GCAT: variants seen among roughly 807,000 people sequenced by gnomAD.
GCAT encodes 2-amino-3-ketobutyrate coenzyme A ligase, mitochondrial.
GCAT carries 26 observed loss-of-function variants against 39.7 expected under a neutral mutation model. The observed-to-expected ratio is 0.65, with a 90% CI of 0.48 to 0.91. GCAT has a LOEUF of 0.91. Ranked by LOEUF, GCAT falls within the 40% of genes least tolerant of loss-of-function variation. The pLI is 0.00. For synonymous variants in GCAT, 218 were observed against 237.2 expected (o/e 0.92, Z 0.74); for missense variants, 550 against 576.2 (o/e 0.95, Z 0.47).
rs1267111234 is a variant in GCAT, at chr22:37,813,048, T to C, written c.429+60T>C. ...GGGGCCTGTTAGGCTGAGGAAGGCT[T>C]GGGTGTGGGCAGTCGGGAGAACCTA... On this transcript the variant is annotated intron_variant, in intron 3 of 8. Coordinates refer to ENST00000248924, the MANE Select transcript of GCAT (RefSeq NM_014291.4). The C allele has an allele frequency of 2.9e-5, 35 of 1,188,546 alleles. 2 individuals are homozygous for C. The South Asian group carries it at 3.5e-4, about 12-fold the overall frequency. 73.6% of individuals were successfully genotyped at this position (1,188,546 alleles called of 1,614,324 possible).
chr22:37,809,426 G>A lies in GCAT; in HGVS notation c.197-601G>A, dbSNP rs145378421. Among the ~76,000 whole-genome samples the A allele has an allele frequency of 1.9e-3, 284 of 152,288 alleles. 1 individual carries two copies. The highest frequency in any genetic ancestry group is 3.3e-3 in the Non-Finnish European group (223 of 68,022). ...TCCAGCCCTCTTCTTTAACCCTCAA[G>A]GAAACCAAGGGGTCAGATAAGGAGT... On this transcript the variant is annotated intron_variant, in intron 1 of 8. Transcript: ENST00000248924.
downstream of GCAT, chr22:37,817,048 G>A: frequency 4.1e-6 from 1 of 243,956 alleles, no homozygotes; most frequent in Admixed American, 4.6e-5. Flanking sequence ...CCAGTGGCCG[G>A]GCACGGTGGC....
intron 4 of GCAT, among the ~76,000 whole-genome samples, chr22:37,814,717 C>T (rs976432018): frequency 2.0e-5 from 3 of 152,232 alleles, no homozygotes; most frequent in South Asian, 2.1e-4. Flanking sequence ...AGGTGGGTCT[C>T]GAACCCGTAA....
chr22:37,809,913 C>G, intron 1 of GCAT, 114 bp from the exon 2 acceptor site: 1 of 1,394,026 alleles, frequency 7.2e-7, no homozygotes, highest in Non-Finnish European at 1.0e-6. Flanking sequence ...TCAATGGTGA[C>G]TCCAGGTCTG....
chr22:37,812,643 A>C (rs1921726537), intron 2 of GCAT, among the ~76,000 whole-genome samples: 1 of 152,204 alleles, frequency 6.6e-6, no homozygotes. Flanking sequence ...TTCCACCATT[A>C]GACTGCCACT....
chr22:37,812,234 G>C (rs1233062983), intron 2 of GCAT, among the ~76,000 whole-genome samples: 1 of 151,978 alleles, frequency 6.6e-6, no homozygotes, highest in Non-Finnish European at 1.5e-5. Flanking sequence ...CTACTAGGGA[G>C]GGGAGGCTGA....
chr22:37,810,795 G>A (rs941735637), intron 2 of GCAT, among the ~76,000 whole-genome samples: 4 of 152,038 alleles, frequency 2.6e-5, no homozygotes, highest in African/African-American at 7.2e-5. Flanking sequence ...GATTACAGGC[G>A]TGAGCCACCG....
At chr22:37,814,192 C>G (rs2145928046) in intron 4 of GCAT, among the ~76,000 whole-genome samples, 1 of 152,318 alleles carries the variant, frequency 6.6e-6, no homozygotes. Context: ...CCTCAATCTT[C>G]TGGACTCGAG....
chr22:37,816,180 G>A lies in GCAT; in HGVS notation c.987-20G>A, dbSNP rs1922170470. 6.2e-7 allele frequency: 1 copy of A among 1,611,438 alleles called. No homozygotes were observed. The highest frequency in any genetic ancestry group is 1.7e-5 in the Admixed American group (1 of 59,862). ...ATGCTCCACGGCCCCTTAGCTACCT[G>A]TGACACCTTGTGCCCACAGGTTCCG... On this transcript the variant is annotated intron_variant, in intron 7 of 8. Coordinates refer to ENST00000248924, the MANE Select transcript of GCAT (RefSeq NM_014291.4).
At chr22:37,815,980 C>CCTCTAG (rs1255891505) in intron 7 of GCAT, 146 bp downstream of exon 7, 2 of 997,030 alleles carry the variant, frequency 2.0e-6, no homozygotes, top group African/African-American at 3.2e-5. Context: ...CTGCCTCTCC[C>CCTCTAG]CTCTAGCTTC....
Position 37,815,682 on chromosome 22 carries a change from T to C in GCAT, c.834T>C (p.Pro278=). 1 of 1,612,018 alleles carries C rather than the reference T, an allele frequency of 6.2e-7. No homozygotes were observed. The highest frequency in any genetic ancestry group is 1.3e-5 in the African/African-American group (1 of 74,966). ...GGASGGYTTG[P]GPLVSLLRQR... ...TCTCAGGGGGCTACACGACAGGGCC[T>C]GGGCCCCTGGTGTCCCTGCTGCGGC... The change falls in exon 7 of 9, where the codon CCT becomes CCC. Residue 278 remains proline, a synonymous_variant. Coordinates refer to ENST00000248924, the MANE Select transcript of GCAT (RefSeq NM_014291.4).
chr22:37,816,972 C>T (rs1922270818), downstream of GCAT: 5 of 469,480 alleles, frequency 1.1e-5, no homozygotes, highest in Non-Finnish European at 1.9e-5. Context: ...GGAGCCAGGG[C>T]TCTGAGGGGA....
Position 37,816,623 on chromosome 22 carries a change from C to T in GCAT, c.1165C>T (p.Arg389Trp), listed in dbSNP as rs372620795. Residue 389 changes from arginine (R) to tryptophan (W), a missense_variant, in exon 9 of 9, where the codon CGG becomes TGG. Transcript: ENST00000248924. ...PVVPKGKARI[R>W]VQISAVHSEE... The stretch of plus-strand genomic sequence containing the variant: ...GGTCCCCAAGGGCAAGGCCCGGATC[C>T]GGGTACAGATCTCAGCAGTGCATAG... 2.8e-5 allele frequency: 45 copies of T among 1,614,046 alleles called. No homozygotes were observed. The highest frequency in any genetic ancestry group is 3.6e-5 in the Non-Finnish European group (42 of 1,180,016).
chr22:37,809,310 C>T (rs1461954685), intron 1 of GCAT, among the ~76,000 whole-genome samples: 1 of 152,176 alleles, frequency 6.6e-6, no homozygotes, highest in East Asian at 1.9e-4. Context: ...CTTTAGAATT[C>T]GGGGACTGGT....
chr22:37,816,405 C>T lies in GCAT; in HGVS notation c.1108+84C>T, dbSNP rs149553368. The T allele has an allele frequency of 2.1e-3, 3,227 of 1,551,736 alleles. 3 individuals carry two copies. Among genetic ancestry groups the T allele is most frequent in the Non-Finnish European group, 2.3e-3 (2,663 of 1,145,896 alleles). The stretch of plus-strand genomic sequence containing the variant: ...CCCTAGACTGTGACCCAGCCCCGTA[C>T]CCAGCCACGCTGCGGCCTCTTAGGC... On this transcript the variant is annotated intron_variant, in intron 8 of 8. Transcript: ENST00000248924.
chr22:37,813,018 T>G, intron 3 of GCAT, 30 bp downstream of exon 3: 1 of 1,476,968 alleles, frequency 6.8e-7, no homozygotes, highest in Non-Finnish European at 9.5e-7. Flanking sequence ...CGGGTGAGGG[T>G]TGGTGGGGCC....
chr22:37,809,532 A>C (rs750965172), intron 1 of GCAT, among the ~76,000 whole-genome samples: 7 of 152,164 alleles, frequency 4.6e-5, no homozygotes, highest in African/African-American at 7.2e-5. Context: ...TCAAAGCCAG[A>C]GTTTAGGCTG....
rs75182567 is a variant in GCAT at position 37,808,173 on chromosome 22, C to T, written c.196+10C>T. The T allele has an allele frequency of 4.9e-4, 723 of 1,477,228 alleles. 4 individuals carry two copies. In the African/African-American group the frequency reaches 8.8e-3, roughly 18 times the overall value. The allele number at this position is 1,477,228 out of a possible 1,614,324, so 91.5% of individuals were successfully genotyped here. On this transcript the variant is annotated intron_variant, in intron 1 of 8. Transcript: ENST00000248924. ...GACGGCGTCTCCGGAGGTAACGCTCCGTTCCGGGAGTCGTTCCAAGACCTT... is the reference window on the plus strand; with the variant it reads ...GACGGCGTCTCCGGAGGTAACGCTCTGTTCCGGGAGTCGTTCCAAGACCTT...
In GCAT at chr22:37,816,683, G is replaced by T. The variant is rs919002841; in HGVS notation, c.1225G>T (p.Val409Leu). 4 of 1,614,086 alleles carry T rather than the reference G, an allele frequency of 2.5e-6. No individual in the cohort carries two copies. Among genetic ancestry groups the T allele is most frequent in the Non-Finnish European group, 2.5e-6 (3 of 1,180,024 alleles). ...EDIDRCVEAF[V>L]EVGRLHGALP ...CATTGACCGCTGCGTGGAGGCCTTC[G>T]TGGAAGTGGGGCGACTGCACGGGGC... The change falls in exon 9 of 9, where the codon GTG (valine) becomes TTG (leucine). Residue 409 changes from valine to leucine, a missense_variant. Around this residue, in one of 3 missense-constraint regions of GCAT, gnomAD observed 378 missense variants for 390.4 expected, o/e 0.97. Transcript: ENST00000248924.
Sources: gnomAD v4.1 joint callset for allele counts (sites outside exome capture counted in the v4.1 genomes callset) on GRCh38, gnomAD v4.1.1 for gene constraint, gnomAD v4.1.1 regional missense constraint, MANE v1.5 for transcripts, NCBI Gene and HGNC (gene_info 2026-07-23, HGNC 2026-07-21) for gene names.